SEMA6B: variants seen among roughly 807,000 people sequenced by gnomAD.
SEMA6B encodes the protein semaphorin 6B, also known as semaphorin-6B.
A neutral mutation model predicts 78.6 loss-of-function variants in SEMA6B; 47 were observed. The observed-to-expected ratio is 0.60, with a 90% CI of 0.47 to 0.76. The LOEUF (loss-of-function observed/expected upper bound fraction) is 0.76. Ranked by LOEUF, SEMA6B falls within the 30% of genes least tolerant of loss-of-function variation. SEMA6B has a pLI of 0.00. For synonymous variants in SEMA6B, 632 were observed against 592.2 expected (o/e 1.07, Z -0.98); for missense variants, 1,213 against 1,269.9 (o/e 0.96, Z 0.68).
chr19:4,555,256 C>T lies in SEMA6B; in HGVS notation c.563-161G>A, dbSNP rs1207862901. 6.6e-6 allele frequency among the ~76,000 whole-genome samples: 1 copy of T among 152,124 alleles called. No homozygotes were observed. Among genetic ancestry groups the T allele is most frequent in the Non-Finnish European group, 1.5e-5 (1 of 68,002 alleles). ...CATCCAAGCCCCACCTCCATCCAAGCCCTGACCTTAACTGAGCCCCTGACC... is the reference window on the plus strand; with the variant it reads ...CATCCAAGCCCCACCTCCATCCAAGTCCTGACCTTAACTGAGCCCCTGACC... On this transcript the variant is annotated intron_variant, in intron 7 of 16. Coordinates refer to ENST00000586582, the MANE Select transcript of SEMA6B (RefSeq NM_032108.4). This position sits in a 1 kb window ranked among gnomAD's most constrained non-coding sequence, Gnocchi z 6.1.
At chr19:4,554,955 C>T (rs1268967385) in intron 8 of SEMA6B, 21 bp downstream of exon 8, 4 of 1,611,486 alleles carry the variant, frequency 2.5e-6, no homozygotes. Flanking sequence ...GGTCTGGGCC[C>T]ACTGCCCTTC....
At position 4,546,201 on chromosome 19, in the gene SEMA6B, G is replaced by A. The variant is rs111311618; in HGVS notation, c.1738+15C>T. 3.7e-4 allele frequency: 597 copies of A among 1,595,800 alleles called. 1 individual carries two copies. The East Asian group carries it at 4.2e-3, about 11-fold the overall frequency. On this transcript the variant is annotated intron_variant, in intron 16 of 16. Coordinates refer to ENST00000586582, the MANE Select transcript of SEMA6B (RefSeq NM_032108.4). ...TGGGGGATGGGGGTCTTAGCCTGCC[G>A]TCCCCCCAACTCACCTGTGCAGTCC...
In SEMA6B at chr19:4,542,795, CCAGG is replaced by C. The variant is rs1447774267; in HGVS notation, c.*802_*805del. 9 of 701,072 alleles carry C rather than the reference CCAGG, an allele frequency of 1.3e-5. No individual in the cohort carries two copies. Among genetic ancestry groups the C allele is most frequent in the Non-Finnish European group, 2.3e-5 (9 of 384,712 alleles). The allele number at this position is 701,072 out of a possible 1,614,324, so 43.4% of individuals were successfully genotyped here. A position where few individuals can be genotyped will look rare whatever the true frequency, so the allele number is the denominator to read the frequency against. On this transcript the variant is annotated 3_prime_UTR_variant, in exon 17 of 17. Transcript: ENST00000586582. ...GGGCCCCACCCACCTTCGCCGCCCC[CCAGG>C]CCCCCAAGCCCTTTAGACAGCTGCT...
chr19:4,542,708 G>A lies in SEMA6B; in HGVS notation c.*893C>T. The A allele has an allele frequency of 1.5e-6, 1 of 676,342 alleles. No homozygotes were observed. Among genetic ancestry groups the A allele is most frequent in the Non-Finnish European group, 2.7e-6 (1 of 368,616 alleles). 41.9% of individuals were successfully genotyped at this position (676,342 alleles called of 1,614,324 possible). A position where few individuals can be genotyped will look rare whatever the true frequency, so the allele number is the denominator to read the frequency against. On this transcript the variant is annotated 3_prime_UTR_variant, in exon 17 of 17. Transcript: ENST00000586582. ...ATGGTCAGCTGGAGGTCAGAGGGGG[G>A]AGGTCACAAGGGGACGGGTGGCATG...
chr19:4,552,710 A>G lies in SEMA6B; in HGVS notation c.772-71T>C. ...GGAAGGCCTGTTCACAGGCTGTGCC[A>G]CTCACCACCCAAACTGTGATGGAGG... is the stretch of plus-strand genomic sequence containing the variant. On this transcript the variant is annotated intron_variant, in intron 9 of 16. Transcript: ENST00000586582. This position sits in a 1 kb window ranked among gnomAD's most constrained non-coding sequence, Gnocchi z 7.4. 7.1e-7 allele frequency: 1 copy of G among 1,415,420 alleles called. No homozygotes were observed. 87.7% of individuals were successfully genotyped at this position (1,415,420 alleles called of 1,614,324 possible). A position where few individuals can be genotyped will look rare whatever the true frequency, so the allele number is the denominator to read the frequency against.
chr19:4,546,115 C>A (rs1977157109), intron 16 of SEMA6B, 101 bp downstream of exon 16: 3 of 1,260,924 alleles, frequency 2.4e-6, no homozygotes, highest in Admixed American at 5.3e-5. Context: ...CCAGTTTCCC[C>A]ACCCACCTCC....
At position 4,551,013 on chromosome 19, in the gene SEMA6B, A is replaced by C. The variant is rs1294273522; in HGVS notation, c.990-83T>G. 28 of 1,506,930 alleles carry C rather than the reference A, an allele frequency of 1.9e-5. No individual in the cohort carries two copies. In the East Asian group the frequency reaches 6.1e-4, roughly 33 times the overall value. The allele number at this position is 1,506,930 out of a possible 1,614,324, so 93.3% of individuals were successfully genotyped here. ...AGTGCGTGCAGGAGCCTCTGTCTGC[A>C]GGAGCCAGTGAATCTTCAGTCTTCC... On this transcript the variant is annotated intron_variant, in intron 10 of 16. Coordinates refer to ENST00000586582, the MANE Select transcript of SEMA6B (RefSeq NM_032108.4).
intron 14 of SEMA6B, among the ~76,000 whole-genome samples, chr19:4,546,717 C>T (rs900110130): frequency 1.3e-5 from 2 of 152,010 alleles, no homozygotes; most frequent in African/African-American, 4.8e-5. Flanking sequence ...CTCCGCCTCC[C>T]GGGTTCAAGC....
chr19:4,550,959 G>A lies in SEMA6B; in HGVS notation c.990-29C>T, dbSNP rs200709970. ...AGGGGTTGGGATGAAAGAGTTTGGT[G>A]AGCCCGGTGGGAGGCCCCATCTCGG... On this transcript the variant is annotated intron_variant, in intron 10 of 16. Transcript: ENST00000586582. This position sits in a 1 kb window ranked among gnomAD's most constrained non-coding sequence, Gnocchi z 6.6. The A allele has an allele frequency of 6.2e-6, 10 of 1,612,170 alleles. No individual in the cohort carries two copies. In the Admixed American group the frequency reaches 8.3e-5, roughly 13 times the overall value.
chr19:4,546,603 G>A (rs981073590), intron 14 of SEMA6B, 134 bp from the exon 15 acceptor site: 1 of 434,486 alleles, frequency 2.3e-6, no homozygotes, highest in Non-Finnish European at 4.0e-6. Context: ...TTTTTGAGAC[G>A]GAATTTCGCT....
chr19:4,552,481 GC>G lies in SEMA6B; in HGVS notation c.929del (p.Gly310AlafsTer32). 6.2e-7 allele frequency: 1 copy of G among 1,610,650 alleles called. No individual in the cohort carries two copies. The highest frequency in any genetic ancestry group is 8.5e-7 in the Non-Finnish European group (1 of 1,179,084). ...CGGGCCGGCCCCCGAGGCTGACCACGCCCGTGACAGCCTGCAGCACGTTGAA... is the reference window on the plus strand; with the variant it reads ...CGGGCCGGCCCCCGAGGCTGACCACGCCGTGACAGCCTGCAGCACGTTGAA... ...FYFNVLQAVT[G>X]VVSLGGRPVV... is the part of the protein sequence containing the mutation. On this transcript the variant is annotated frameshift_variant, in exon 10 of 17. Transcript: ENST00000586582. LOFTEE classifies it high-confidence loss of function. This position sits in a 1 kb window ranked among gnomAD's most constrained non-coding sequence, Gnocchi z 7.4.
At position 4,554,411 on chromosome 19, in the gene SEMA6B, T is replaced by C; in HGVS notation, c.748A>G (p.Met250Val). ...HVYFFFREIA[M>V]EFNYLEKVVV... ...ACCTTCTCCAGGTAGTTAAACTCCA[T>C]CGCAATCTCCCGGAAGAAGAAGTAG... is the stretch of plus-strand genomic sequence containing the variant. The change falls in exon 9 of 17, where the codon ATG (methionine) becomes GTG (valine). Residue 250 changes from methionine to valine, a missense_variant. Transcript: ENST00000586582. 2.5e-6 allele frequency: 4 copies of C among 1,613,866 alleles called. No individual in the cohort carries two copies. Among genetic ancestry groups the C allele is most frequent in the Non-Finnish European group, 3.4e-6 (4 of 1,179,914 alleles).
chr19:4,542,924 A>G lies in SEMA6B; in HGVS notation c.*677T>C, dbSNP rs1041766433. 1.9e-5 allele frequency: 13 copies of G among 700,818 alleles called. 3 individuals carry two copies. Among genetic ancestry groups the G allele is most frequent in the East Asian group, 2.7e-5 (1 of 37,258 alleles). The allele number at this position is 700,818 out of a possible 1,614,324, so 43.4% of individuals were successfully genotyped here. A position where few individuals can be genotyped will look rare whatever the true frequency, so the allele number is the denominator to read the frequency against. ...CAGAGTGGGGGGGGTTCAAACTCCT[A>G]ACCGGCACCTCGGAGACCCCCGGGC... On this transcript the variant is annotated 3_prime_UTR_variant, in exon 17 of 17. Transcript: ENST00000586582.
rs1248143224 is a variant in SEMA6B, at chr19:4,548,190, T to A, written c.1455-17A>T. ...CGTCCACACCTGGGGACAAGCAGAG[T>A]GGTGAGGCTGAGCGCATCTCAGCCC... On this transcript the variant is annotated splice_polypyrimidine_tract_variant and intron_variant, in intron 13 of 16. Transcript: ENST00000586582. 6.3e-7 allele frequency: 1 copy of A among 1,587,396 alleles called. No individual in the cohort carries two copies.
At chr19:4,557,275 G>A (rs372401193) in intron 3 of SEMA6B, 52 bp from the exon 4 acceptor site, 17 of 1,381,176 alleles carry the variant, frequency 1.2e-5, no homozygotes, top group Non-Finnish European at 1.6e-5. Flanking sequence ...ACCCTCTCCC[G>A]TTCCATCCTT....
intron 1 of SEMA6B, among the ~76,000 whole-genome samples, chr19:4,559,227 A>C (rs1024949230): frequency 1.3e-5 from 2 of 150,548 alleles, no homozygotes; most frequent in African/African-American, 4.9e-5. Context: ...GCTGGGAATG[A>C]CAGTACTACA....
chr19:4,553,495 G>GAT (rs56232166), intron 9 of SEMA6B, among the ~76,000 whole-genome samples: 3 of 151,042 alleles, frequency 2.0e-5, no homozygotes, highest in African/African-American at 4.9e-5. Context: ...TGGATGGATG[G>GAT]GTGTGTGGGT....
intron 9 of SEMA6B, among the ~76,000 whole-genome samples, chr19:4,554,050 G>A (rs1229036247): frequency 6.6e-6 from 1 of 151,600 alleles, no homozygotes; most frequent in African/African-American, 2.4e-5. Context: ...AGAACAGACA[G>A]ATGGGTAAGT....
At chr19:4,546,357 A>C (rs752590254) in intron 15 of SEMA6B, 35 bp downstream of exon 15, 2 of 1,588,446 alleles carry the variant, frequency 1.3e-6, no homozygotes, top group Non-Finnish European at 1.7e-6. Flanking sequence ...GGCGGGTCTG[A>C]CACACCCTCC....
Sources: allele counts gnomAD v4.1 joint callset (sites outside exome capture counted in the v4.1 genomes callset), GRCh38; gene constraint gnomAD v4.1.1; non-coding constraint Gnocchi (gnomAD v3.1); transcripts MANE v1.5; gene names NCBI Gene and HGNC (gene_info 2026-07-23, HGNC 2026-07-21).